Variants in TAFA1 observed in about 807,000 individuals in gnomAD.
The protein encoded by TAFA1 is chemokine-like protein TAFA-1.
Under a neutral mutation model 18.5 loss-of-function variants are expected in TAFA1, and 4 were observed. The ratio of observed to expected loss-of-function variants is 0.22; its 90% CI spans 0.11 to 0.49. The LOEUF is 0.49. TAFA1 is among the 20% of genes least tolerant of loss of function. The pLI is 0.98. For missense variants in TAFA1, 147 were observed against 169.0 expected (o/e 0.87, Z 0.72); for synonymous variants, 56 against 55.2 (o/e 1.01, Z -0.06).
chr3:68,229,624 C>A (rs1014032450), intron 2 of TAFA1, among the ~76,000 whole-genome samples: 2 of 152,044 alleles, frequency 1.3e-5, no homozygotes, highest in Non-Finnish European at 2.9e-5. Flanking sequence ...ACATAGTTGA[C>A]GTTTTCTTCA....
At chr3:68,332,453 A>G (rs951516909) in intron 2 of TAFA1, among the ~76,000 whole-genome samples, 3 of 152,212 alleles carry the variant, frequency 2.0e-5, no homozygotes, top group Non-Finnish European at 4.4e-5. Flanking sequence ...AGCAAAGAAA[A>G]CAGTCAACAA....
chr3:68,018,937 C>T (rs1348020931), intron 2 of TAFA1, among the ~76,000 whole-genome samples: 1 of 152,096 alleles, frequency 6.6e-6, no homozygotes, highest in Non-Finnish European at 1.5e-5. Flanking sequence ...TTGGTCTGAA[C>T]CAAAACCCTA....
intron 2 of TAFA1, among the ~76,000 whole-genome samples, chr3:68,329,120 C>T (rs1282145252): frequency 2.0e-5 from 3 of 150,478 alleles, no homozygotes; most frequent in Middle Eastern, 3.4e-3. Flanking sequence ...AGTCTCACTC[C>T]GTCACCCAAC....
intron 2 of TAFA1, among the ~76,000 whole-genome samples, chr3:68,198,578 T>A (rs143675367): frequency 0.018 from 2,723 of 150,438 alleles, 88 homozygotes; most frequent in African/African-American, 0.062. Context: ...CTAATAGATG[T>A]GTAGTAATAT....
At chr3:68,237,400 G>T (rs186560667) in intron 2 of TAFA1, among the ~76,000 whole-genome samples, 108 of 152,292 alleles carry the variant, frequency 7.1e-4, no homozygotes, top group South Asian at 3.5e-3. Context: ...GAATTTGGAG[G>T]GGGTAGGGAG....
At position 68,528,500 on chromosome 3, in the gene TAFA1, T is replaced by G. The variant is rs1330431494; in HGVS notation, c.260-10256T>G. On this transcript the variant is annotated intron_variant, in intron 3 of 4. Coordinates refer to ENST00000478136, the MANE Select transcript of TAFA1 (RefSeq NM_213609.4). ...AGGTTATCCAATGCCTTTAATTTCC[T>G]GTTTGCTTTGATAAAGACAATAACA... Among the ~76,000 whole-genome samples the G allele has an allele frequency of 2.6e-5, 4 of 152,330 alleles. No homozygotes were observed. The East Asian group carries it at 7.7e-4, about 29-fold the overall frequency.
intron 3 of TAFA1, among the ~76,000 whole-genome samples, chr3:68,444,771 A>AAAATATATAT (rs2071446085): frequency 7.9e-6 from 1 of 127,268 alleles, no homozygotes; most frequent in Non-Finnish European, 1.7e-5. Flanking sequence ...GTTTCTACAA[A>AAAATATATAT]ATATATATAT....
At chr3:68,465,503 T>A (rs991734849) in intron 3 of TAFA1, among the ~76,000 whole-genome samples, 8 of 152,168 alleles carry the variant, frequency 5.3e-5, no homozygotes, top group South Asian at 2.1e-4. Context: ...TTCTTCATAA[T>A]TGAAAAGTGA....
At chr3:68,441,270 T>C (rs2071374398) in intron 3 of TAFA1, among the ~76,000 whole-genome samples, 1 of 152,170 alleles carries the variant, frequency 6.6e-6, no homozygotes, top group Non-Finnish European at 1.5e-5. Context: ...TGTAAGCTGC[T>C]CTGCCACTTG....
At chr3:68,322,008 T>G (rs2068703411) in intron 2 of TAFA1, among the ~76,000 whole-genome samples, 1 of 152,228 alleles carries the variant, frequency 6.6e-6, no homozygotes, top group South Asian at 2.1e-4. Context: ...CACAGCTGCA[T>G]GTACACTAAA....
At chr3:68,543,447 C>T (rs2073409869) in intron 4 of TAFA1, among the ~76,000 whole-genome samples, 1 of 152,080 alleles carries the variant, frequency 6.6e-6, no homozygotes, top group Admixed American at 6.6e-5. Context: ...GTGAGAAAAT[C>T]AACAGTTAGT....
At chr3:68,130,617 C>T (rs2106880376) in intron 2 of TAFA1, among the ~76,000 whole-genome samples, 1 of 152,290 alleles carries the variant, frequency 6.6e-6, no homozygotes, top group Non-Finnish European at 1.5e-5. Context: ...GTGCCACTGC[C>T]TACAAAGCCC....
At chr3:68,083,588 C>T (rs1020239613) in intron 2 of TAFA1, among the ~76,000 whole-genome samples, 3 of 152,270 alleles carry the variant, frequency 2.0e-5, no homozygotes, top group Admixed American at 1.3e-4. Flanking sequence ...TATGGGCTCT[C>T]TTGACAACTT....
At chr3:68,251,165 A>G (rs2067188573) in intron 2 of TAFA1, among the ~76,000 whole-genome samples, 1 of 152,184 alleles carries the variant, frequency 6.6e-6, no homozygotes, top group Admixed American at 6.5e-5. Flanking sequence ...AGTCTCCTCA[A>G]GAACTCGGAC....
At chr3:68,494,470 T>C (rs973727238) in intron 3 of TAFA1, among the ~76,000 whole-genome samples, 1 of 152,232 alleles carries the variant, frequency 6.6e-6, no homozygotes, top group Non-Finnish European at 1.5e-5. Flanking sequence ...ATTTCACAGC[T>C]GAAAAATATA....
At chr3:68,260,439 G>A (rs1178241084) in intron 2 of TAFA1, among the ~76,000 whole-genome samples, 5 of 152,052 alleles carry the variant, frequency 3.3e-5, no homozygotes, top group African/African-American at 1.2e-4. Context: ...GTATCAGGAT[G>A]ATGCTGGCCT....
intron 2 of TAFA1, among the ~76,000 whole-genome samples, chr3:68,172,719 C>T (rs2066071950): frequency 6.6e-6 from 1 of 152,014 alleles, no homozygotes; most frequent in African/African-American, 2.4e-5. Context: ...CATGCTACAA[C>T]ACAAATAAGC....
intron 2 of TAFA1, among the ~76,000 whole-genome samples, chr3:68,164,644 T>TGTGTGC (rs2065962274): frequency 6.6e-6 from 1 of 151,804 alleles, no homozygotes; most frequent in Non-Finnish European, 1.5e-5. Flanking sequence ...TGTGTGTGTG[T>TGTGTGC]GTGTGTGTGT....
chr3:68,252,362 C>A (rs146959986), intron 2 of TAFA1, among the ~76,000 whole-genome samples: 53 of 152,270 alleles, frequency 3.5e-4, no homozygotes, highest in African/African-American at 1.2e-3. Context: ...ATGTCTCAAA[C>A]TGGTCACCTT....
Sources: allele counts gnomAD v4.1 joint callset (sites outside exome capture counted in the v4.1 genomes callset), GRCh38; gene constraint gnomAD v4.1.1; transcripts MANE v1.5; gene names NCBI Gene and HGNC (gene_info 2026-07-23, HGNC 2026-07-21).